The following TRPM3 variants were observed in gnomAD, a reference collection of about 807,000 sequenced individuals.
TRPM3 encodes transient receptor potential cation channel subfamily M member 3, also known as long transient receptor potential channel 3.
A neutral mutation model predicts 181.2 loss-of-function variants in TRPM3; 77 were observed. That is an observed-to-expected ratio of 0.42 (90% CI 0.35 to 0.51). TRPM3 has a LOEUF of 0.51. TRPM3 is among the 20% of genes least tolerant of loss of function. TRPM3 has a pLI of 0.01. For missense variants in TRPM3, 1,759 were observed against 2,196.7 expected (o/e 0.80, Z 3.98); for synonymous variants, 745 against 796.4 (o/e 0.94, Z 1.09).
At chr9:71,398,226 C>G (rs576462111) in intron 1 of TRPM3, among the ~76,000 whole-genome samples, 1 of 152,164 alleles carries the variant, frequency 6.6e-6, no homozygotes, top group Non-Finnish European at 1.5e-5. Flanking sequence ...TAGGCCAGGG[C>G]AATGTTAATA....
At chr9:71,055,188 T>C (rs1466266195) in intron 1 of TRPM3, among the ~76,000 whole-genome samples, 1 of 152,038 alleles carries the variant, frequency 6.6e-6, no homozygotes, top group East Asian at 1.9e-4. Flanking sequence ...ACAGGGTACA[T>C]TTTAAGAAAT....
chr9:71,062,162 G>A (rs1433722031), intron 1 of TRPM3, among the ~76,000 whole-genome samples: 1 of 152,036 alleles, frequency 6.6e-6, no homozygotes, highest in Non-Finnish European at 1.5e-5. Context: ...CTCATAATAA[G>A]TATTAAATAA....
intron 1 of TRPM3, among the ~76,000 whole-genome samples, chr9:70,940,271 A>AT (rs2133543400): frequency 6.6e-6 from 1 of 152,260 alleles, no homozygotes; most frequent in Non-Finnish European, 1.5e-5. Flanking sequence ...AAAGTAAAAC[A>AT]TTTTTCCCCA....
intron 1 of TRPM3, among the ~76,000 whole-genome samples, chr9:71,038,092 T>C (rs1371275871): frequency 6.6e-6 from 1 of 152,248 alleles, no homozygotes; most frequent in Non-Finnish European, 1.5e-5. Context: ...AGGTAAAAGA[T>C]GGAGTGACAG....
intron 1 of TRPM3, among the ~76,000 whole-genome samples, chr9:71,141,994 A>C (rs1348127308): frequency 1.3e-5 from 2 of 152,194 alleles, no homozygotes; most frequent in African/African-American, 4.8e-5. Flanking sequence ...ACACCGGTAT[A>C]TAATGCCCGA....
At chr9:70,758,765 A>G (rs2077538571) in intron 8 of TRPM3, among the ~76,000 whole-genome samples, 1 of 152,240 alleles carries the variant, frequency 6.6e-6, no homozygotes, top group Non-Finnish European at 1.5e-5. Flanking sequence ...TGTTGGGAAA[A>G]CTGGATAGCC....
intron 1 of TRPM3, among the ~76,000 whole-genome samples, chr9:71,297,729 A>G (rs778306348): frequency 3.3e-5 from 5 of 152,164 alleles, no homozygotes; most frequent in South Asian, 2.1e-4. Context: ...CAGCCAAAAC[A>G]TATCAATAGA....
intron 24 of TRPM3, among the ~76,000 whole-genome samples, chr9:70,551,915 G>GA (rs2046555994): frequency 6.6e-6 from 1 of 152,180 alleles, no homozygotes; most frequent in African/African-American, 2.4e-5. Flanking sequence ...TAAATGTCTA[G>GA]AAAGAAGTTG....
chr9:71,057,615 C>A (rs886879833), intron 1 of TRPM3, among the ~76,000 whole-genome samples: 1 of 151,966 alleles, frequency 6.6e-6, no homozygotes, highest in Non-Finnish European at 1.5e-5. Context: ...CAGACCTATC[C>A]TAAAAGTTAA....
At chr9:70,969,756 T>TATATATA (rs2097220204) in intron 1 of TRPM3, among the ~76,000 whole-genome samples, 1 of 126,590 alleles carries the variant, frequency 7.9e-6, no homozygotes, top group Non-Finnish European at 1.7e-5. Flanking sequence ...CTGAATGATT[T>TATATATA]TATATATATA....
chr9:70,555,853 A>G (rs557848647), intron 22 of TRPM3, among the ~76,000 whole-genome samples: 3 of 152,294 alleles, frequency 2.0e-5, no homozygotes, highest in African/African-American at 7.2e-5. Flanking sequence ...CTCTGTGTAG[A>G]CGCCAACAAA....
intron 1 of TRPM3, among the ~76,000 whole-genome samples, chr9:71,181,367 A>ATTTTTT (rs59651573): frequency 1.4e-5 from 2 of 141,718 alleles, no homozygotes; most frequent in African/African-American, 2.6e-5. Context: ...GGAAACTGCA[A>ATTTTTT]TTTTTTTTTT....
At chr9:71,435,158 C>A (rs757148175) in intron 1 of TRPM3, among the ~76,000 whole-genome samples, 4 of 152,118 alleles carry the variant, frequency 2.6e-5, no homozygotes, top group Non-Finnish European at 4.4e-5. Flanking sequence ...TTTTCTCACT[C>A]ATTTGACCCA....
chr9:70,958,978 G>A (rs1174221542), intron 1 of TRPM3, among the ~76,000 whole-genome samples: 1 of 147,680 alleles, frequency 6.8e-6, no homozygotes, highest in Non-Finnish European at 1.5e-5. Flanking sequence ...CACAGGAAGG[G>A]GAACATCACA....
At chr9:71,418,913 T>C (rs1442493696) in intron 1 of TRPM3, among the ~76,000 whole-genome samples, 1 of 99,908 alleles carries the variant, frequency 1.0e-5, no homozygotes, top group Non-Finnish European at 2.6e-5. Context: ...TGTGTGTATA[T>C]ATATGTGTGT....
chr9:71,423,319 A>G (rs2093810019), intron 1 of TRPM3, among the ~76,000 whole-genome samples: 1 of 152,164 alleles, frequency 6.6e-6, no homozygotes, highest in Admixed American at 6.6e-5. Flanking sequence ...TACCCTCTAA[A>G]AACCAATCAA....
chr9:71,377,844 G>C (rs1219834874), intron 1 of TRPM3, among the ~76,000 whole-genome samples: 1 of 151,856 alleles, frequency 6.6e-6, no homozygotes, highest in Admixed American at 6.6e-5. Flanking sequence ...GTACTATTTT[G>C]TGTCTAGATT....
intron 9 of TRPM3, among the ~76,000 whole-genome samples, chr9:70,645,205 CTA>C (rs1281722462): frequency 2.0e-5 from 3 of 152,150 alleles, no homozygotes; most frequent in African/African-American, 7.2e-5. Flanking sequence ...TTAGAAAAAA[CTA>C]TCTTAAGTTT....
At chr9:71,090,567 C>T (rs1370435059) in intron 1 of TRPM3, among the ~76,000 whole-genome samples, 2 of 152,148 alleles carry the variant, frequency 1.3e-5, no homozygotes, top group African/African-American at 4.8e-5. Context: ...TTGCAGTGCT[C>T]TTTCCTCTTG....
Sources: gnomAD v4.1 joint callset for allele counts (sites outside exome capture counted in the v4.1 genomes callset) on GRCh38, gnomAD v4.1.1 for gene constraint, MANE v1.5 for transcripts, NCBI Gene and HGNC (gene_info 2026-07-23, HGNC 2026-07-21) for gene names.